Variants in COBLL1 observed in about 807,000 individuals in gnomAD.
COBLL1 encodes the protein cordon-bleu protein-like 1.
In COBLL1, 50 loss-of-function variants were observed where a neutral mutation model predicts 94.8. The observed-to-expected ratio is 0.53, with a 90% CI of 0.42 to 0.67. The LOEUF is 0.67. Among genes scored for constraint, COBLL1 ranks in the 30% least tolerant of loss-of-function variants. The pLI is 0.00. For missense variants in COBLL1, 1,362 were observed against 1,348.7 expected (o/e 1.01, Z -0.15); for synonymous variants, 448 against 473.8 (o/e 0.95, Z 0.71).
intron 3 of COBLL1, among the ~76,000 whole-genome samples, chr2:164,738,683 T>A (rs1247178832): frequency 1.3e-5 from 2 of 152,206 alleles, no homozygotes. Context: ...GTATCCCTCA[T>A]CCAACATTCT....
chr2:164,727,221 T>G (rs1440613505), intron 5 of COBLL1: 4 of 768,918 alleles, frequency 5.2e-6, no homozygotes, highest in Non-Finnish European at 8.2e-6. Context: ...CATCACTGAG[T>G]TGAAAAAGTA....
intron 1 of COBLL1, among the ~76,000 whole-genome samples, chr2:164,673,042 T>C (rs905385272): frequency 6.6e-6 from 1 of 152,196 alleles, no homozygotes; most frequent in African/African-American, 2.4e-5. Flanking sequence ...TTCAATTAAA[T>C]GTTACTGAAC....
Position 164,694,876 on chromosome 2 carries a change from G to A in COBLL1, c.2516C>T (p.Ala839Val). The change falls in exon 12 of 14, where the codon GCA (alanine) becomes GTA (valine). Residue 839 changes from alanine to valine, a missense_variant. Physicochemically the swap from Ala to Val is moderately conservative, Grantham distance 64 (BLOSUM62 0). Coordinates refer to ENST00000652658, the MANE Select transcript of COBLL1 (RefSeq NM_001365672.2). ...MTRDTGTAPFAPNLEEINNIL... is the reference protein window; with the variant it reads ...MTRDTGTAPFVPNLEEINNIL... ...ATTGTTTATTTCTTCCAAATTTGGT[G>A]CAAAAGGAGCTGTGCCAGTGTCTCT... The A allele has an allele frequency of 1.2e-6, 2 of 1,613,924 alleles. No homozygotes were observed. Among genetic ancestry groups the A allele is most frequent in the South Asian group, 1.1e-5 (1 of 91,074 alleles).
rs2105398766 is a variant in COBLL1, at chr2:164,682,712, T to C, written c.*3234A>G. 6.6e-6 allele frequency: 1 copy of C among 152,222 alleles called. No individual in the cohort carries two copies. The highest frequency in any genetic ancestry group is 6.5e-5 in the Admixed American group (1 of 15,280). The allele number at this position is 152,222 out of a possible 1,614,324, so 9.4% of individuals were successfully genotyped here. A position where few individuals can be genotyped will look rare whatever the true frequency, so the allele number is the denominator to read the frequency against. On this transcript the variant is annotated 3_prime_UTR_variant, in exon 14 of 14. Transcript: ENST00000652658. ...GATGAATTGCCTGCCGTTTTTAAAA[T>C]AAGGTTCATTTTTATTCATATTAAT...
intron 2 of COBLL1, among the ~76,000 whole-genome samples, chr2:164,763,324 T>G (rs1687784550): frequency 1.3e-5 from 2 of 152,242 alleles, no homozygotes; most frequent in South Asian, 4.1e-4. Context: ...TGTAAAAAAT[T>G]TGTCAACACA....
intron 12 of COBLL1, 112 bp downstream of exon 12, chr2:164,694,157 A>C (rs1365219249): frequency 3.9e-6 from 4 of 1,022,890 alleles, no homozygotes; most frequent in Non-Finnish European, 5.8e-6. Context: ...GCTTAATTTC[A>C]GATGAATATG....
Position 164,773,855 on chromosome 2 carries a change from T to C in COBLL1, c.42-29980A>G, listed in dbSNP as rs115476785. ...AGGCACTTCTTACCTCTGGCAAATA[T>C]GTAAAAGAAGGAATTCACTGGTCTT... On this transcript the variant is annotated intron_variant, in intron 2 of 13. Coordinates refer to ENST00000652658, the MANE Select transcript of COBLL1 (RefSeq NM_001365672.2). 622 of 575,338 alleles carry C rather than the reference T, an allele frequency of 1.1e-3. 3 individuals are homozygous for C. In the African/African-American group the frequency reaches 0.012, roughly 11 times the overall value. The allele number at this position is 575,338 out of a possible 1,614,324, so 35.6% of individuals were successfully genotyped here.
Position 164,685,126 on chromosome 2 carries a change from C to A in COBLL1, c.*820G>T, listed in dbSNP as rs1297260156. ...GTTTTTCAATATAAACATAAACTAACCCCTATTCCTCTCTACATATCAAAT... is the reference window on the plus strand; with the variant it reads ...GTTTTTCAATATAAACATAAACTAAACCCTATTCCTCTCTACATATCAAAT... On this transcript the variant is annotated 3_prime_UTR_variant, in exon 14 of 14. Coordinates refer to ENST00000652658, the MANE Select transcript of COBLL1 (RefSeq NM_001365672.2). 1.3e-5 allele frequency: 2 copies of A among 152,102 alleles called. No individual in the cohort carries two copies. The highest frequency in any genetic ancestry group is 2.9e-5 in the Non-Finnish European group (2 of 68,000). 9.4% of individuals were successfully genotyped at this position (152,102 alleles called of 1,614,324 possible). A position where few individuals can be genotyped will look rare whatever the true frequency, so the allele number is the denominator to read the frequency against.
rs139867643 is a variant in COBLL1 at position 164,699,511 on chromosome 2, G to A, written c.1461-12C>T. 1.1e-5 allele frequency: 17 copies of A among 1,479,794 alleles called. No homozygotes were observed. Among genetic ancestry groups the A allele is most frequent in the East Asian group, 9.1e-5 (4 of 44,174 alleles). The allele number at this position is 1,479,794 out of a possible 1,614,324, so 91.7% of individuals were successfully genotyped here. A position where few individuals can be genotyped will look rare whatever the true frequency, so the allele number is the denominator to read the frequency against. On this transcript the variant is annotated splice_polypyrimidine_tract_variant and intron_variant, in intron 10 of 13. Coordinates refer to ENST00000652658, the MANE Select transcript of COBLL1 (RefSeq NM_001365672.2). ...CACTGTGTGGTTCTCTGGAAGATAC[G>A]ACATTGTATGTTATATGTTGATACT... is the stretch of plus-strand genomic sequence containing the variant.
In COBLL1 at chr2:164,722,512, T is replaced by C. The variant is rs1434572679; in HGVS notation, c.672A>G (p.Gln224=). 5 of 1,483,746 alleles carry C rather than the reference T, an allele frequency of 3.4e-6. No homozygotes were observed. In the African/African-American group the frequency reaches 5.7e-5, roughly 17 times the overall value. The allele number at this position is 1,483,746 out of a possible 1,614,324, so 91.9% of individuals were successfully genotyped here. The stretch of plus-strand genomic sequence containing the variant: ...TCATAATATCTAGGTTTTGTGATAT[T>C]TGGCAGGACTCTAAAATAGAAGAAA... ...YAMDVNRESC[Q]ISQNLDIMKE... Residue 224 remains glutamine, a synonymous_variant, in exon 6 of 14, where the codon CAA becomes CAG. Transcript: ENST00000652658.
intron 5 of COBLL1, among the ~76,000 whole-genome samples, chr2:164,725,691 T>C (rs1352613071): frequency 6.6e-6 from 1 of 152,184 alleles, no homozygotes; most frequent in Non-Finnish European, 1.5e-5. Context: ...AGTGTTGGAA[T>C]GATAGGTGTG....
At chr2:164,709,781 T>C (rs1423775905) in intron 7 of COBLL1, among the ~76,000 whole-genome samples, 1 of 152,184 alleles carries the variant, frequency 6.6e-6, no homozygotes, top group Admixed American at 6.5e-5. Context: ...TGATTGTCAC[T>C]AATTGATACG....
At chr2:164,798,605 G>A (rs568744363) in intron 2 of COBLL1, among the ~76,000 whole-genome samples, 1 of 152,338 alleles carries the variant, frequency 6.6e-6, no homozygotes, top group South Asian at 2.1e-4. Flanking sequence ...AGGGAAGAAT[G>A]CTGCAAGATC....
At chr2:164,738,964 A>G (rs767644446) in intron 3 of COBLL1, among the ~76,000 whole-genome samples, 3 of 152,156 alleles carry the variant, frequency 2.0e-5, no homozygotes, top group Non-Finnish European at 4.4e-5. Flanking sequence ...ACACACATAC[A>G]TCTATACTAC....
At chr2:164,814,674 T>C (rs1684630104) in intron 2 of COBLL1, among the ~76,000 whole-genome samples, 2 of 152,184 alleles carry the variant, frequency 1.3e-5, no homozygotes, top group South Asian at 4.1e-4. Flanking sequence ...CCTACTTGGT[T>C]AAAGAGAAAG....
At position 164,693,206 on chromosome 2, in the gene COBLL1, T is replaced by C. The variant is rs1171319814; in HGVS notation, c.3124-809A>G. 1.3e-4 allele frequency among the ~76,000 whole-genome samples: 20 copies of C among 152,154 alleles called. 1 individual carries two copies. The highest frequency in any genetic ancestry group is 1.3e-3 in the Admixed American group (20 of 15,260). On this transcript the variant is annotated intron_variant, in intron 12 of 13. Coordinates refer to ENST00000652658, the MANE Select transcript of COBLL1 (RefSeq NM_001365672.2). ...TCCATTGTTTAGGAATGGTATTCTA[T>C]TCCAAGAAAAATCACAGGCTTTGTG... is the stretch of plus-strand genomic sequence containing the variant.
chr2:164,760,923 C>A (rs1335037959), intron 2 of COBLL1, among the ~76,000 whole-genome samples: 1 of 151,996 alleles, frequency 6.6e-6, no homozygotes, highest in Admixed American at 6.6e-5. Context: ...AGTTTGAAAC[C>A]ACCGAACTAA....
chr2:164,694,922 TC>T lies in COBLL1; in HGVS notation c.2469del (p.Lys824AsnfsTer6). 1.2e-6 allele frequency: 2 copies of T among 1,613,950 alleles called. No homozygotes were observed. The highest frequency in any genetic ancestry group is 4.5e-5 in the East Asian group (2 of 44,866). ...SSPDDAMVSP[L>X]KPAPKMTRDT... Reference sequence around the variant, plus strand: ...TCTCTTGTCATTTTGGGAGCAGGTTTCAGAGGACTAACCATGGCATCATCAG... The same window carrying T: ...TCTCTTGTCATTTTGGGAGCAGGTTTAGAGGACTAACCATGGCATCATCAG... On this transcript the variant is annotated frameshift_variant, in exon 12 of 14. Coordinates refer to ENST00000652658, the MANE Select transcript of COBLL1 (RefSeq NM_001365672.2). LOFTEE classifies it high-confidence loss of function.
At chr2:164,761,220 C>T (rs1213781336) in intron 2 of COBLL1, 1 of 152,292 alleles carries the variant, frequency 6.6e-6, no homozygotes, top group Non-Finnish European at 1.5e-5. Context: ...ACCAGCCTGA[C>T]CTACATGGAG....
Sources: allele counts gnomAD v4.1 joint callset (sites outside exome capture counted in the v4.1 genomes callset), GRCh38; gene constraint gnomAD v4.1.1; transcripts MANE v1.5; gene names NCBI Gene and HGNC (gene_info 2026-07-23, HGNC 2026-07-21).